NALF1: variants seen among roughly 807,000 people sequenced by gnomAD.
NALF1 encodes the protein NALCN channel auxiliary factor 1, also known as family with sequence similarity 155 member A.
In NALF1, 3 loss-of-function variants were observed where a neutral mutation model predicts 48.4. That is an observed-to-expected ratio of 0.06 (90% confidence interval 0.03 to 0.16). NALF1 has a LOEUF of 0.16. Ranked by LOEUF, NALF1 falls within the 10% of genes least tolerant of loss-of-function variation. The pLI, the probability that NALF1 is intolerant of heterozygous loss-of-function variation, is 1.00. For missense variants in NALF1, 526 were observed against 571.5 expected (o/e 0.92, Z 0.81); for synonymous variants, 262 against 245.7 (o/e 1.07, Z -0.62).
At chr13:107,810,958 C>T (rs907856642) in intron 1 of NALF1, among the ~76,000 whole-genome samples, 26 of 152,228 alleles carry the variant, frequency 1.7e-4, no homozygotes, top group African/African-American at 6.0e-4. Flanking sequence ...TGCAAACATA[C>T]ATTATTCATA....
chr13:107,644,647 A>ATATATATATATATATATATG (rs1880261268), intron 1 of NALF1, among the ~76,000 whole-genome samples: 1 of 125,168 alleles, frequency 8.0e-6, no homozygotes, highest in East Asian at 2.2e-4. Context: ...ACATACATAC[A>ATATATATATATATATATATG]TATATATATA....
intron 1 of NALF1, among the ~76,000 whole-genome samples, chr13:107,528,526 A>G (rs1195183222): frequency 6.6e-6 from 1 of 152,070 alleles, no homozygotes; most frequent in Non-Finnish European, 1.5e-5. Context: ...AGGCTCCAAA[A>G]CCCTCTCTCT....
intron 1 of NALF1, among the ~76,000 whole-genome samples, chr13:107,371,683 A>G (rs1436896447): frequency 6.6e-6 from 1 of 152,142 alleles, no homozygotes; most frequent in African/African-American, 2.4e-5. Flanking sequence ...TATTTTACAC[A>G]GGTCTTAGCA....
intron 1 of NALF1, among the ~76,000 whole-genome samples, chr13:107,766,348 C>T (rs944880251): frequency 2.6e-5 from 4 of 152,088 alleles, no homozygotes; most frequent in South Asian, 2.1e-4. Flanking sequence ...AATAAATAAC[C>T]GATAACAATG....
At chr13:107,316,157 T>C (rs1370252745) in intron 1 of NALF1, among the ~76,000 whole-genome samples, 1 of 152,142 alleles carries the variant, frequency 6.6e-6, no homozygotes, top group Non-Finnish European at 1.5e-5. Context: ...GTTTGGTTTT[T>C]TGACCTTGCG....
At chr13:107,208,518 A>T (rs922698295) in intron 2 of NALF1, among the ~76,000 whole-genome samples, 5 of 152,230 alleles carry the variant, frequency 3.3e-5, no homozygotes, top group African/African-American at 9.6e-5. Flanking sequence ...CATGTAGGAA[A>T]AAGAAGATAA....
At chr13:107,224,903 C>T (rs1880070288) in intron 1 of NALF1, among the ~76,000 whole-genome samples, 1 of 152,116 alleles carries the variant, frequency 6.6e-6, no homozygotes, top group Non-Finnish European at 1.5e-5. Context: ...TGAAAAACAA[C>T]AATAACAACA....
intron 1 of NALF1, among the ~76,000 whole-genome samples, chr13:107,679,781 G>A (rs1405626508): frequency 2.6e-5 from 4 of 152,166 alleles, no homozygotes; most frequent in Non-Finnish European, 5.9e-5. Flanking sequence ...ATCTTTCCAT[G>A]GAAGCTCCAC....
intron 1 of NALF1, among the ~76,000 whole-genome samples, chr13:107,301,562 G>A (rs1430518491): frequency 6.6e-6 from 1 of 151,834 alleles, no homozygotes; most frequent in Non-Finnish European, 1.5e-5. Context: ...CTTCTCATGT[G>A]CATTTTTCCT....
At chr13:107,694,093 C>T (rs762862259) in intron 1 of NALF1, among the ~76,000 whole-genome samples, 9 of 152,266 alleles carry the variant, frequency 5.9e-5, no homozygotes, top group Middle Eastern at 3.4e-3. Flanking sequence ...AGGAGAATTA[C>T]TGTATGTATC....
At chr13:107,581,646 T>C (rs1878313666) in intron 1 of NALF1, among the ~76,000 whole-genome samples, 1 of 152,234 alleles carries the variant, frequency 6.6e-6, no homozygotes, top group East Asian at 1.9e-4. Flanking sequence ...AAAATGAGTG[T>C]ATATTCCAAT....
chr13:107,460,264 C>G (rs1052642829), intron 1 of NALF1, among the ~76,000 whole-genome samples: 1 of 152,170 alleles, frequency 6.6e-6, no homozygotes, highest in Non-Finnish European at 1.5e-5. Context: ...ACATTTGTCC[C>G]CAAGTGGCAC....
At chr13:107,734,407 A>C (rs112677553) in intron 1 of NALF1, among the ~76,000 whole-genome samples, 10,268 of 146,494 alleles carry the variant, frequency 0.07, 734 homozygotes, top group East Asian at 0.38. Context: ...CCTTTAAAAA[A>C]AAACACACAC....
At chr13:107,356,122 A>G (rs974472446) in intron 1 of NALF1, among the ~76,000 whole-genome samples, 1 of 152,194 alleles carries the variant, frequency 6.6e-6, no homozygotes, top group Non-Finnish European at 1.5e-5. Context: ...CTGCTAATAC[A>G]GGTACAGTTA....
chr13:107,682,977 T>C (rs1387902916), intron 1 of NALF1, among the ~76,000 whole-genome samples: 4 of 152,158 alleles, frequency 2.6e-5, no homozygotes, highest in Non-Finnish European at 5.9e-5. Context: ...ATATTTAAAA[T>C]GGGAAGTGGG....
At chr13:107,287,059 C>T (rs1351204039) in intron 1 of NALF1, among the ~76,000 whole-genome samples, 2 of 152,158 alleles carry the variant, frequency 1.3e-5, no homozygotes, top group Non-Finnish European at 2.9e-5. Flanking sequence ...AGGTGAGTTT[C>T]ACCGAAATAA....
chr13:107,363,997 C>A (rs2138957760), intron 1 of NALF1, among the ~76,000 whole-genome samples: 1 of 152,276 alleles, frequency 6.6e-6, no homozygotes, highest in South Asian at 2.1e-4. Context: ...TTGCTCATTG[C>A]ATTTTCTGAA....
chr13:107,273,804 G>T (rs189421617), intron 1 of NALF1, among the ~76,000 whole-genome samples: 1 of 152,224 alleles, frequency 6.6e-6, no homozygotes, highest in Non-Finnish European at 1.5e-5. Flanking sequence ...AGAGAGAAGA[G>T]GGCACTTCTT....
chr13:107,710,079 T>C lies in NALF1; in HGVS notation c.915+155603A>G, dbSNP rs193019267. ...TTGCAGTGAGCTATGATGGTGCCAC[T>C]GATCCAGCCTGGGCAAAAGAGTGAG... On this transcript the variant is annotated intron_variant, in intron 1 of 2. Coordinates refer to ENST00000375915, the MANE Select transcript of NALF1 (RefSeq NM_001080396.3). Among the ~76,000 whole-genome samples the C allele has an allele frequency of 2.9e-3, 438 of 150,228 alleles. 1 individual carries two copies. Among genetic ancestry groups the C allele is most frequent in the African/African-American group, 9.4e-3 (383 of 40,720 alleles).
Sources: gnomAD v4.1 joint callset for allele counts (sites outside exome capture counted in the v4.1 genomes callset) on GRCh38, gnomAD v4.1.1 for gene constraint, MANE v1.5 for transcripts, NCBI Gene and HGNC (gene_info 2026-07-23, HGNC 2026-07-21) for gene names.